The following CNTNAP2 variants were observed in gnomAD, a reference collection of about 807,000 sequenced individuals.
CNTNAP2 encodes contactin associated protein 2.
Under a neutral mutation model 155.2 loss-of-function variants are expected in CNTNAP2, and 98 were observed. The observed-to-expected ratio is 0.63, with a 90% CI of 0.54 to 0.75. The LOEUF (loss-of-function observed/expected upper bound fraction) is 0.75, where lower values mean the gene tolerates loss of function less well. Among genes scored for constraint, CNTNAP2 ranks in the 30% least tolerant of loss-of-function variants. CNTNAP2 has a pLI of 0.00. For missense variants in CNTNAP2, 1,727 were observed against 1,688.1 expected (o/e 1.02, Z -0.40); for synonymous variants, 651 against 631.2 (o/e 1.03, Z -0.47).
chr7:146,523,189 T>C (rs1797639620), intron 1 of CNTNAP2, among the ~76,000 whole-genome samples: 1 of 152,022 alleles, frequency 6.6e-6, no homozygotes, highest in African/African-American at 2.4e-5. Context: ...TGGTTCATTC[T>C]TATGCTTTTT....
intron 17 of CNTNAP2, among the ~76,000 whole-genome samples, chr7:148,159,139 G>A (rs1293917218): frequency 6.6e-6 from 1 of 152,048 alleles, no homozygotes; most frequent in African/African-American, 2.4e-5. Context: ...TGTTTTCAAG[G>A]CCCCCTGATG....
intron 13 of CNTNAP2, among the ~76,000 whole-genome samples, chr7:147,677,672 T>C (rs1795890401): frequency 6.6e-6 from 1 of 151,840 alleles, no homozygotes; most frequent in Admixed American, 6.6e-5. Flanking sequence ...CAGTTTTTAA[T>C]CCATTTTAAG....
intron 16 of CNTNAP2, among the ~76,000 whole-genome samples, chr7:148,146,665 T>G (rs1805185302): frequency 6.6e-6 from 1 of 152,166 alleles, no homozygotes; most frequent in Admixed American, 6.5e-5. Context: ...CGACAGGGAT[T>G]ATTCTCCAGA....
rs550300319 is a variant in CNTNAP2 at position 147,841,454 on chromosome 7, G to C, written c.2099-62111G>C. On this transcript the variant is annotated intron_variant, in intron 13 of 23. Transcript: ENST00000361727. Reference sequence around the variant, plus strand: ...GGGAAAGACCGAGACTGAGATCTCAGTCATAAAGAGACTCCCCAGCTACAG... The same window carrying C: ...GGGAAAGACCGAGACTGAGATCTCACTCATAAAGAGACTCCCCAGCTACAG... Among the ~76,000 whole-genome samples the C allele has an allele frequency of 1.2e-4, 18 of 152,250 alleles. No homozygotes were observed. In the South Asian group the frequency reaches 3.7e-3, roughly 32 times the overall value.
chr7:146,856,344 AGG>A (rs1794987071), intron 3 of CNTNAP2, among the ~76,000 whole-genome samples: 1 of 151,942 alleles, frequency 6.6e-6, no homozygotes, highest in African/African-American at 2.4e-5. Context: ...ATACATACAT[AGG>A]CAGGCAATAG....
In CNTNAP2 at chr7:148,162,842, T is replaced by A. The variant is rs201686725; in HGVS notation, c.2774-9400T>A. On this transcript the variant is annotated intron_variant, in intron 17 of 23. Coordinates refer to ENST00000361727, the MANE Select transcript of CNTNAP2 (RefSeq NM_014141.6). Reference sequence around the variant, plus strand: ...AAGACCTTGTCTCTACAAAAAAAAATTTTTTTAATTAACCAGGCATGGTGA... The same window carrying A: ...AAGACCTTGTCTCTACAAAAAAAAAATTTTTTAATTAACCAGGCATGGTGA... Among the ~76,000 whole-genome samples, 48 of 130,988 alleles carry A rather than the reference T, an allele frequency of 3.7e-4. No homozygotes were observed. In the East Asian group the frequency reaches 5.8e-3, roughly 16 times the overall value. 85.9% of individuals were successfully genotyped at this position (130,988 alleles called of 152,430 possible). A position where few individuals can be genotyped will look rare whatever the true frequency, so the allele number is the denominator to read the frequency against.
At chr7:146,752,288 T>C (rs1382973642) in intron 1 of CNTNAP2, among the ~76,000 whole-genome samples, 1 of 152,200 alleles carries the variant, frequency 6.6e-6, no homozygotes, top group African/African-American at 2.4e-5. Context: ...CCAGCATCTA[T>C]TGTTACCTGA....
chr7:146,628,808 T>G lies in CNTNAP2; in HGVS notation c.98-145463T>G, dbSNP rs1585014264. On this transcript the variant is annotated intron_variant, in intron 1 of 23. Transcript: ENST00000361727. Reference sequence around the variant, plus strand: ...TCATCTCACAGAAACTAGATCAAAGTGTTAAGAATCATTTAAGCAGCTACA... The same window carrying G: ...TCATCTCACAGAAACTAGATCAAAGGGTTAAGAATCATTTAAGCAGCTACA... Among the ~76,000 whole-genome samples the G allele has an allele frequency of 2.0e-5, 3 of 152,152 alleles. No individual in the cohort carries two copies. The South Asian group carries it at 6.2e-4, about 32-fold the overall frequency.
intron 1 of CNTNAP2, among the ~76,000 whole-genome samples, chr7:146,236,085 T>G (rs576370866): frequency 6.6e-6 from 1 of 152,170 alleles, no homozygotes; most frequent in Non-Finnish European, 1.5e-5. Context: ...GTGACAAAAT[T>G]AATACTGCCA....
At chr7:146,734,317 T>C (rs947139177) in intron 1 of CNTNAP2, among the ~76,000 whole-genome samples, 1 of 152,102 alleles carries the variant, frequency 6.6e-6, no homozygotes, top group Non-Finnish European at 1.5e-5. Context: ...AGAGTTAAAA[T>C]TGTTTTCAAA....
intron 1 of CNTNAP2, among the ~76,000 whole-genome samples, chr7:146,610,553 G>A (rs1484568524): frequency 2.0e-5 from 3 of 152,122 alleles, no homozygotes; most frequent in African/African-American, 7.2e-5. Flanking sequence ...CAGCATTAGT[G>A]AAAGTAGTTA....
chr7:147,337,217 T>A (rs749267803), intron 9 of CNTNAP2, among the ~76,000 whole-genome samples: 49 of 152,208 alleles, frequency 3.2e-4, no homozygotes, highest in Non-Finnish European at 6.2e-4. Context: ...GGATGTATGG[T>A]GAGCCAGCCC....
At chr7:146,913,237 T>A (rs1389658723) in intron 3 of CNTNAP2, among the ~76,000 whole-genome samples, 1 of 152,130 alleles carries the variant, frequency 6.6e-6, no homozygotes, top group Non-Finnish European at 1.5e-5. Flanking sequence ...CCAGGTTAGC[T>A]GACGTGCATG....
intron 22 of CNTNAP2, among the ~76,000 whole-genome samples, chr7:148,388,166 T>C (rs142353883): frequency 0.021 from 3,127 of 152,290 alleles, 47 homozygotes; most frequent in Admixed American, 0.033. Context: ...TATTATACTT[T>C]AAGTTTTAGG....
At chr7:147,277,105 A>G (rs1490555948) in intron 8 of CNTNAP2, among the ~76,000 whole-genome samples, 9 of 152,148 alleles carry the variant, frequency 5.9e-5, no homozygotes, top group South Asian at 4.1e-4. Context: ...TAAAACACCA[A>G]TGACAGCTAG....
chr7:148,322,462 T>G (rs1274514053), intron 21 of CNTNAP2, among the ~76,000 whole-genome samples: 4 of 152,216 alleles, frequency 2.6e-5, no homozygotes, highest in Admixed American at 2.0e-4. Flanking sequence ...GATGTAAACA[T>G]GTATATGCTT....
At chr7:147,726,881 A>G (rs144525466) in intron 13 of CNTNAP2, among the ~76,000 whole-genome samples, 5 of 152,050 alleles carry the variant, frequency 3.3e-5, no homozygotes, top group African/African-American at 1.2e-4. Context: ...TAATTAAATG[A>G]GCACTGGTGG....
At chr7:146,812,563 A>G (rs1408853278) in intron 2 of CNTNAP2, among the ~76,000 whole-genome samples, 1 of 151,806 alleles carries the variant, frequency 6.6e-6, no homozygotes, top group Non-Finnish European at 1.5e-5. Flanking sequence ...ACTGCTGAAG[A>G]AATTTCTAAG....
chr7:146,611,366 T>C (rs188982991), intron 1 of CNTNAP2, among the ~76,000 whole-genome samples: 77 of 152,270 alleles, frequency 5.1e-4, no homozygotes, highest in African/African-American at 1.8e-3. Context: ...GCTGGGATTA[T>C]AGGCGCGAGC....
Sources: gnomAD v4.1 joint callset for allele counts (sites outside exome capture counted in the v4.1 genomes callset) on GRCh38, gnomAD v4.1.1 for gene constraint, MANE v1.5 for transcripts, NCBI Gene and HGNC (gene_info 2026-07-23, HGNC 2026-07-21) for gene names.